DTNBP1: variants seen among roughly 807,000 people sequenced by gnomAD.
DTNBP1 encodes the protein dystrobrevin binding protein 1, also known as dysbindin.
In DTNBP1, 35 loss-of-function variants were observed where a neutral mutation model predicts 42.8. The ratio of observed to expected loss-of-function variants is 0.82; its 90% CI spans 0.63 to 1.09. The LOEUF (loss-of-function observed/expected upper bound fraction) is 1.09. Among genes scored for constraint, DTNBP1 ranks in the 50% least tolerant of loss-of-function variants. The pLI, the probability that DTNBP1 is intolerant of heterozygous loss-of-function variation, is 0.00. For synonymous variants in DTNBP1, 171 were observed against 162.2 expected, an observed-to-expected ratio of 1.05 and a Z score of -0.41; for missense variants, 457 against 424.2, an observed-to-expected ratio of 1.08 and a Z score of -0.68.
At chr6:15,599,436 G>A (rs1000272073) in intron 6 of DTNBP1, among the ~76,000 whole-genome samples, 2 of 152,182 alleles carry the variant, frequency 1.3e-5, no homozygotes, top group East Asian at 3.8e-4. Flanking sequence ...CTCTGCATGT[G>A]TATCATCTTC....
chr6:15,648,353 G>GCT (rs1158974928), intron 3 of DTNBP1, among the ~76,000 whole-genome samples: 1 of 152,024 alleles, frequency 6.6e-6, no homozygotes, highest in African/African-American at 2.4e-5. Context: ...AAGGATGCCT[G>GCT]CTTTTTCCAC....
chr6:15,536,848 G>A (rs1182181193), intron 7 of DTNBP1, among the ~76,000 whole-genome samples: 4 of 152,238 alleles, frequency 2.6e-5, no homozygotes, highest in Non-Finnish European at 5.9e-5. Flanking sequence ...TGAAGGAGCT[G>A]CCCAAGGCCA....
chr6:15,657,168 C>A (rs996270910), intron 1 of DTNBP1, among the ~76,000 whole-genome samples: 1 of 152,162 alleles, frequency 6.6e-6, no homozygotes, highest in African/African-American at 2.4e-5. Context: ...CATCCTAATG[C>A]CTTTATCCTA....
chr6:15,603,458 C>A (rs536994584), intron 6 of DTNBP1, among the ~76,000 whole-genome samples: 45 of 152,250 alleles, frequency 3.0e-4, no homozygotes, highest in African/African-American at 1.0e-3. Flanking sequence ...AATACAGTTA[C>A]AATAACAATT....
chr6:15,556,238 G>A (rs1395436498), intron 7 of DTNBP1, among the ~76,000 whole-genome samples: 2 of 150,900 alleles, frequency 1.3e-5, no homozygotes, highest in African/African-American at 4.9e-5. Flanking sequence ...CTGGAGTGCA[G>A]TGGCACAGTC....
chr6:15,608,644 G>A (rs1758210252), intron 6 of DTNBP1, among the ~76,000 whole-genome samples: 1 of 152,200 alleles, frequency 6.6e-6, no homozygotes, highest in South Asian at 2.1e-4. Context: ...CATCCTCCAG[G>A]AGCTTCCTGA....
chr6:15,524,476 G>C (rs1203274243), intron 9 of DTNBP1, 50 bp downstream of exon 9: 1 of 1,613,230 alleles, frequency 6.2e-7, no homozygotes, highest in East Asian at 2.2e-5. Context: ...TTGGAGGGGA[G>C]TGGCATCGAT....
chr6:15,604,400 G>A (rs898320413), intron 6 of DTNBP1, among the ~76,000 whole-genome samples: 1 of 152,246 alleles, frequency 6.6e-6, no homozygotes, highest in Middle Eastern at 3.4e-3. Context: ...GGCTCCTTCA[G>A]AGAAGGTGCT....
intron 8 of DTNBP1, among the ~76,000 whole-genome samples, chr6:15,530,886 G>A (rs1772772212): frequency 6.6e-6 from 1 of 152,086 alleles, no homozygotes; most frequent in African/African-American, 2.4e-5. Flanking sequence ...TGTGTGGGTC[G>A]GCCAGGGTGT....
At chr6:15,563,212 G>A (rs1774920238) in intron 7 of DTNBP1, among the ~76,000 whole-genome samples, 1 of 152,116 alleles carries the variant, frequency 6.6e-6, no homozygotes, top group African/African-American at 2.4e-5. Flanking sequence ...AGAATTTTAT[G>A]ACCTTCCTAA....
chr6:15,631,169 A>C (rs1373781648), intron 4 of DTNBP1, among the ~76,000 whole-genome samples: 2 of 152,248 alleles, frequency 1.3e-5, no homozygotes, highest in Admixed American at 1.3e-4. Context: ...CAAGTTTAAT[A>C]CTATGCATAC....
intron 4 of DTNBP1, among the ~76,000 whole-genome samples, chr6:15,636,126 T>C (rs1405006556): frequency 3.3e-5 from 5 of 150,878 alleles, no homozygotes; most frequent in Admixed American, 6.6e-5. Flanking sequence ...TTTGTTTTTG[T>C]TGGGTGTCAA....
At chr6:15,562,704 A>C (rs1285380740) in intron 7 of DTNBP1, among the ~76,000 whole-genome samples, 2 of 152,336 alleles carry the variant, frequency 1.3e-5, no homozygotes, top group Non-Finnish European at 2.9e-5. Flanking sequence ...AACTAGCATA[A>C]TCACCCTTAT....
rs1316474120 is a variant in DTNBP1, at chr6:15,524,641, T to G, written c.696A>C (p.Glu232Asp). Residue 232 changes from glutamate (E) to aspartate (D), a missense_variant, in exon 9 of 10, where the codon GAA (glutamate) becomes GAC (aspartate). Physicochemically the swap from Glu to Asp is conservative, Grantham distance 45. Transcript: ENST00000344537. ...TCTGCTCCAGCATGTCCACGTTCAC[T>G]TCCATGGATGACATGCTGCCTATGG... is the stretch of plus-strand genomic sequence containing the variant. Reference protein sequence around the residue: ...REPIGSMSSMEVNVDMLEQMD... With the variant: ...REPIGSMSSMDVNVDMLEQMD... The G allele has an allele frequency of 6.2e-7, 1 of 1,613,808 alleles. No homozygotes were observed. Among genetic ancestry groups the G allele is most frequent in the South Asian group, 1.1e-5 (1 of 91,090 alleles).
At chr6:15,614,652 A>G (rs1227540156) in intron 6 of DTNBP1, among the ~76,000 whole-genome samples, 2 of 152,194 alleles carry the variant, frequency 1.3e-5, no homozygotes, top group South Asian at 2.1e-4. Flanking sequence ...TTCCATCTCC[A>G]GTTCAGGTTG....
At chr6:15,662,456 G>C (rs1462855143) in intron 1 of DTNBP1, among the ~76,000 whole-genome samples, 5 of 152,208 alleles carry the variant, frequency 3.3e-5, no homozygotes, top group Admixed American at 2.6e-4. Flanking sequence ...CTGTGCCGCG[G>C]GGGCGGAAGC....
chr6:15,524,734 C>A, intron 8 of DTNBP1, 65 bp from the exon 9 acceptor site: 1 of 1,590,680 alleles, frequency 6.3e-7, no homozygotes, highest in Non-Finnish European at 8.5e-7. Context: ...GGTGAACTTC[C>A]ATTGGCATTA....
At chr6:15,534,039 G>A (rs9476837) in intron 7 of DTNBP1, among the ~76,000 whole-genome samples, 23,573 of 152,172 alleles carry the variant, frequency 0.15, 2,725 homozygotes, top group African/African-American at 0.32. Context: ...GCAGTAAGCC[G>A]GAGTCACGAA....
At chr6:15,567,950 G>A (rs538122586) in intron 7 of DTNBP1, among the ~76,000 whole-genome samples, 24 of 152,168 alleles carry the variant, frequency 1.6e-4, no homozygotes, top group South Asian at 1.0e-3. Flanking sequence ...GTTGCTATGC[G>A]GATTAATGAT....
Sources: allele counts gnomAD v4.1 joint callset (sites outside exome capture counted in the v4.1 genomes callset), GRCh38; gene constraint gnomAD v4.1.1; transcripts MANE v1.5; gene names NCBI Gene and HGNC (gene_info 2026-07-23, HGNC 2026-07-21).